Variants in LRFN5 observed in about 807,000 individuals in gnomAD.
LRFN5 encodes leucine-rich repeat and fibronectin type-III domain-containing protein 5.
A neutral mutation model predicts 45.6 loss-of-function variants in LRFN5; 24 were observed. The observed-to-expected ratio is 0.53, with a 90% CI of 0.38 to 0.74. The LOEUF is 0.74. Ranked by LOEUF, LRFN5 falls within the 30% of genes least tolerant of loss-of-function variation. The pLI, the probability that LRFN5 is intolerant of heterozygous loss-of-function variation, is 0.00. For missense variants in LRFN5, 776 were observed against 861.5 expected (o/e 0.90, Z 1.24); for synonymous variants, 340 against 313.8 (o/e 1.08, Z -0.88).
At chr14:41,804,115 C>T (rs1334665616) in intron 2 of LRFN5, among the ~76,000 whole-genome samples, 1 of 152,098 alleles carries the variant, frequency 6.6e-6, no homozygotes, top group East Asian at 1.9e-4. Flanking sequence ...CCGCCCAAAG[C>T]CTCTGAAAGT....
At chr14:41,889,098 CTATATATATA>C (rs200882779) in intron 3 of LRFN5, among the ~76,000 whole-genome samples, 1 of 97,444 alleles carries the variant, frequency 1.0e-5, no homozygotes, top group African/African-American at 4.0e-5. Flanking sequence ...ATATATATGT[CTATATATATA>C]TGTCTCTATA....
At chr14:41,710,768 C>T (rs148315391) in intron 1 of LRFN5, among the ~76,000 whole-genome samples, 3,410 of 152,134 alleles carry the variant, frequency 0.022, 101 homozygotes, top group African/African-American at 0.074. Context: ...ATCCCTCCCC[C>T]GTCCCCCGAC....
intron 2 of LRFN5, among the ~76,000 whole-genome samples, chr14:41,791,458 G>A (rs1465162551): frequency 2.0e-5 from 3 of 151,872 alleles, no homozygotes; most frequent in African/African-American, 7.2e-5. Context: ...AGATTAATAG[G>A]CAGTAATAGG....
intron 5 of LRFN5, among the ~76,000 whole-genome samples, chr14:41,900,275 C>T (rs985494433): frequency 5.9e-5 from 9 of 151,886 alleles, no homozygotes; most frequent in South Asian, 2.1e-4. Flanking sequence ...TAAATGTCTA[C>T]GTAAGTTTTC....
intron 2 of LRFN5, among the ~76,000 whole-genome samples, chr14:41,803,494 A>G (rs373863250): frequency 6.6e-6 from 1 of 151,616 alleles, no homozygotes; most frequent in East Asian, 1.9e-4. Flanking sequence ...TAGGACTACA[A>G]GTGCACCCCT....
intron 2 of LRFN5, among the ~76,000 whole-genome samples, chr14:41,832,497 G>C (rs1051450250): frequency 9.9e-5 from 15 of 152,118 alleles, no homozygotes; most frequent in African/African-American, 3.4e-4. Context: ...TCGGAACTAA[G>C]ATTATTATAC....
intron 1 of LRFN5, among the ~76,000 whole-genome samples, chr14:41,619,011 A>C (rs2138553652): frequency 6.6e-6 from 1 of 151,286 alleles, no homozygotes; most frequent in African/African-American, 2.4e-5. Context: ...ATTGTATTAG[A>C]GAAGCTTCTC....
At chr14:41,808,234 G>GGAAGGAAGGAAGGAAT (rs1446806210) in intron 2 of LRFN5, among the ~76,000 whole-genome samples, 2 of 111,508 alleles carry the variant, frequency 1.8e-5, no homozygotes, top group Non-Finnish European at 4.0e-5. Context: ...AAGGAAGGAA[G>GGAAGGAAGGAAGGAAT]GAATTGAGGG....
chr14:41,764,745 GTTTA>G (rs1885806979), intron 1 of LRFN5, among the ~76,000 whole-genome samples: 1 of 151,900 alleles, frequency 6.6e-6, no homozygotes, highest in South Asian at 2.1e-4. Flanking sequence ...AACCTAAACA[GTTTA>G]TTTAGGAATA....
chr14:41,668,875 G>T (rs372627738), intron 1 of LRFN5, among the ~76,000 whole-genome samples: 1 of 152,114 alleles, frequency 6.6e-6, no homozygotes, highest in African/African-American at 2.4e-5. Context: ...TCTGTTGAAC[G>T]TAGCTCTGAC....
At chr14:41,653,147 C>A (rs918609289) in intron 1 of LRFN5, among the ~76,000 whole-genome samples, 1 of 151,964 alleles carries the variant, frequency 6.6e-6, no homozygotes. Context: ...TATTTTGCTA[C>A]GAAGAAGCTC....
intron 2 of LRFN5, among the ~76,000 whole-genome samples, chr14:41,813,007 A>C (rs747717085): frequency 6.6e-6 from 1 of 152,174 alleles, no homozygotes; most frequent in Non-Finnish European, 1.5e-5. Context: ...TAGAAAATAT[A>C]GGTTGAAAGT....
chr14:41,674,749 G>A (rs1488427647), intron 1 of LRFN5, among the ~76,000 whole-genome samples: 2 of 151,440 alleles, frequency 1.3e-5, no homozygotes, highest in East Asian at 2.0e-4. Context: ...GGGCGGAGAC[G>A]CTCCTCACTT....
At chr14:41,636,353 A>G (rs530682260) in intron 1 of LRFN5, among the ~76,000 whole-genome samples, 7 of 152,254 alleles carry the variant, frequency 4.6e-5, no homozygotes, top group South Asian at 2.1e-4. Flanking sequence ...TAGGAGTTAA[A>G]CATTTTCATT....
intron 4 of LRFN5, among the ~76,000 whole-genome samples, chr14:41,896,467 G>A (rs1025839017): frequency 6.6e-6 from 1 of 152,246 alleles, no homozygotes; most frequent in Admixed American, 6.5e-5. Flanking sequence ...CTGCACAGAG[G>A]TGGATTGTAT....
intron 2 of LRFN5, among the ~76,000 whole-genome samples, chr14:41,802,052 A>T (rs141091098): frequency 6.6e-6 from 1 of 152,154 alleles, no homozygotes; most frequent in South Asian, 2.1e-4. Context: ...AATTTTTTGC[A>T]ACTGATTTAA....
At chr14:41,750,312 T>G (rs1021010945) in intron 1 of LRFN5, among the ~76,000 whole-genome samples, 2 of 148,840 alleles carry the variant, frequency 1.3e-5, no homozygotes, top group African/African-American at 4.9e-5. Context: ...TTTTTATATG[T>G]ATATAAGATT....
At chr14:41,750,485 A>G (rs1323133075) in intron 1 of LRFN5, among the ~76,000 whole-genome samples, 3 of 151,942 alleles carry the variant, frequency 2.0e-5, no homozygotes, top group African/African-American at 7.2e-5. Context: ...GCTTTGTAAT[A>G]TTATTTTGAA....
At chr14:41,847,642 G>A (rs887060273) in intron 2 of LRFN5, among the ~76,000 whole-genome samples, 1 of 151,556 alleles carries the variant, frequency 6.6e-6, no homozygotes, top group South Asian at 2.1e-4. Context: ...CCTTCTTTCC[G>A]ATGAGAAAAT....
Sources: gnomAD v4.1 joint callset for allele counts (sites outside exome capture counted in the v4.1 genomes callset) on GRCh38, gnomAD v4.1.1 for gene constraint, MANE v1.5 for transcripts, NCBI Gene and HGNC (gene_info 2026-07-23, HGNC 2026-07-21) for gene names.